The following AP1AR variants were observed in gnomAD, a reference collection of about 807,000 sequenced individuals.
The protein encoded by AP1AR is adaptor related protein complex 1 associated regulatory protein.
A neutral mutation model predicts 46.3 loss-of-function variants in AP1AR; 29 were observed. The observed-to-expected ratio is 0.63, with a 90% CI of 0.47 to 0.85. AP1AR has a LOEUF of 0.85. Ranked by LOEUF, AP1AR falls within the 40% of genes least tolerant of loss-of-function variation. AP1AR has a pLI of 0.00. For missense variants in AP1AR, 357 were observed against 356.3 expected, an observed-to-expected ratio of 1.00 and a Z score of -0.02; for synonymous variants, 122 against 122.9, an observed-to-expected ratio of 0.99 and a Z score of 0.05.
In AP1AR at chr4:112,270,645, G is replaced by C. The variant is rs954190854; in HGVS notation, c.*2236G>C. On this transcript the variant is annotated 3_prime_UTR_variant, in exon 10 of 10. Transcript: ENST00000274000. ...AAGCATGTTATAAGCAAAGGGAACGGCAAGTACAAAGTACCTGAGGTGGGA... is the reference window on the plus strand; with the variant it reads ...AAGCATGTTATAAGCAAAGGGAACGCCAAGTACAAAGTACCTGAGGTGGGA... Among the ~76,000 whole-genome samples, 16 of 152,316 alleles carry C rather than the reference G, an allele frequency of 1.1e-4. No individual in the cohort carries two copies. The highest frequency in any genetic ancestry group is 3.8e-4 in the African/African-American group (16 of 41,560).
intron 1 of AP1AR, among the ~76,000 whole-genome samples, chr4:112,246,919 T>C (rs1309448111): frequency 7.3e-6 from 1 of 136,124 alleles, no homozygotes; most frequent in African/African-American, 2.6e-5. Context: ...TTTACACATC[T>C]TTTTTAAAAA....
Position 112,254,674 on chromosome 4 carries a change from G to T in AP1AR, c.133-73G>T, listed in dbSNP as rs1726103859. On this transcript the variant is annotated intron_variant, in intron 2 of 9. Transcript: ENST00000274000. ...GGTATATTATTTTTAAGTGAAAAAA[G>T]TAACATAATTTCTTGTGAGATGTAT... 3.2e-6 allele frequency: 3 copies of T among 942,418 alleles called. No homozygotes were observed. The Admixed American group carries it at 8.2e-5, about 26-fold the overall frequency. 58.4% of individuals were successfully genotyped at this position (942,418 alleles called of 1,614,324 possible).
chr4:112,262,596 C>T (rs72894941), intron 5 of AP1AR, among the ~76,000 whole-genome samples: 15,949 of 152,156 alleles, frequency 0.1, 862 homozygotes, highest in Middle Eastern at 0.14. Flanking sequence ...GCTGAGTTCA[C>T]TTTGGTCACA....
At chr4:112,238,377 C>T (rs1725342754) in intron 1 of AP1AR, among the ~76,000 whole-genome samples, 1 of 151,950 alleles carries the variant, frequency 6.6e-6, no homozygotes, top group Non-Finnish European at 1.5e-5. Context: ...CATATCCTAC[C>T]AGTTTTATAT....
chr4:112,232,207 T>A (rs202216597), intron 1 of AP1AR, 33 bp downstream of exon 1: 6 of 1,261,060 alleles, frequency 4.8e-6, no homozygotes. Flanking sequence ...CCGGCCCCCG[T>A]GGCTCCTCCT....
Position 112,263,038 on chromosome 4 carries a change from TGCACA to T in AP1AR, c.336_340del (p.Gln113Ter). ...GACTAGAAGAAGAAGCTTTATACGC[TGCACA>T]GCGTGAAGCAGCCAGGGCAGCAAAG... On this transcript the variant is annotated frameshift_variant, in exon 6 of 10. Coordinates refer to ENST00000274000, the MANE Select transcript of AP1AR (RefSeq NM_018569.6). LOFTEE classifies it high-confidence loss of function. The T allele has an allele frequency of 6.2e-7, 1 of 1,613,914 alleles. No homozygotes were observed. Among genetic ancestry groups the T allele is most frequent in the South Asian group, 1.1e-5 (1 of 91,062 alleles).
intron 1 of AP1AR, among the ~76,000 whole-genome samples, chr4:112,236,490 G>A (rs72894913): frequency 0.014 from 2,096 of 148,768 alleles, 48 homozygotes; most frequent in African/African-American, 0.049. Flanking sequence ...AACCTCCACC[G>A]CCTGAGTTCA....
Position 112,260,822 on chromosome 4 carries a change from C to T in AP1AR, c.242C>T (p.Ala81Val). Residue 81 changes from alanine (A) to valine (V), a missense_variant, in exon 5 of 10, where the codon GCC (alanine) becomes GTC (valine). Transcript: ENST00000274000. ...DLRERHYDSI[A>V]EKQKDLDKKI... ...AGAGAAAGGCATTATGATTCCATTGCCGAAAAACAAAAAGATCTTGATAAG... is the reference window on the plus strand; with the variant it reads ...AGAGAAAGGCATTATGATTCCATTGTCGAAAAACAAAAAGATCTTGATAAG... The T allele has an allele frequency of 6.2e-7, 1 of 1,603,822 alleles. No homozygotes were observed. Among genetic ancestry groups the T allele is most frequent in the African/African-American group, 1.3e-5 (1 of 74,468 alleles).
At chr4:112,237,364 C>T (rs1328093185) in intron 1 of AP1AR, among the ~76,000 whole-genome samples, 1 of 152,150 alleles carries the variant, frequency 6.6e-6, no homozygotes. Context: ...TCTCGGCCTC[C>T]TAAAGTGATG....
intron 4 of AP1AR, among the ~76,000 whole-genome samples, chr4:112,259,624 C>G (rs185468008): frequency 6.6e-6 from 1 of 152,156 alleles, no homozygotes; most frequent in Admixed American, 6.5e-5. Context: ...AGGTTTTTTC[C>G]TTAGTTTCTT....
At chr4:112,234,535 C>G (rs1725158373) in intron 1 of AP1AR, among the ~76,000 whole-genome samples, 1 of 152,146 alleles carries the variant, frequency 6.6e-6, no homozygotes, top group Non-Finnish European at 1.5e-5. Flanking sequence ...GGTTCCCTTA[C>G]TTGAATTTTC....
chr4:112,254,874 TA>T, intron 3 of AP1AR, 101 bp downstream of exon 3: 1 of 590,826 alleles, frequency 1.7e-6, no homozygotes, highest in Non-Finnish European at 2.6e-6. Flanking sequence ...ATTTTTGTTT[TA>T]GAATTTTTAT....
chr4:112,251,120 A>AT (rs1015338499), intron 1 of AP1AR, among the ~76,000 whole-genome samples: 35 of 152,270 alleles, frequency 2.3e-4, no homozygotes, highest in African/African-American at 7.9e-4. Flanking sequence ...AGAAAGCATA[A>AT]TCCCCAGCAA....
In AP1AR at chr4:112,270,225, TG is replaced by T. The variant is rs1726894752; in HGVS notation, c.*1817del. Among the ~76,000 whole-genome samples the T allele has an allele frequency of 6.6e-6, 1 of 152,224 alleles. No homozygotes were observed. Among genetic ancestry groups the T allele is most frequent in the Non-Finnish European group, 1.5e-5 (1 of 68,030 alleles). ...AAAAAAAAGTTAACGTTTTGTTTTGTGTTTATAAAAAGTACTAGAAATAACT... is the reference window on the plus strand; with the variant it reads ...AAAAAAAAGTTAACGTTTTGTTTTGTTTTATAAAAAGTACTAGAAATAACT... On this transcript the variant is annotated 3_prime_UTR_variant, in exon 10 of 10. Transcript: ENST00000274000.
intron 2 of AP1AR, among the ~76,000 whole-genome samples, chr4:112,253,489 A>G (rs917106870): frequency 3.3e-5 from 5 of 152,190 alleles, no homozygotes; most frequent in African/African-American, 1.2e-4. Flanking sequence ...CCCCCACCCT[A>G]TAAGTCAGGG....
Position 112,266,662 on chromosome 4 carries a change from A to G in AP1AR, c.589A>G (p.Thr197Ala), listed in dbSNP as rs139300460. 321 of 1,610,800 alleles carry G rather than the reference A, an allele frequency of 2.0e-4. No homozygotes were observed. The highest frequency in any genetic ancestry group is 6.4e-4 in the Admixed American group (38 of 59,802). ...TGATTTAATGACCAAAACTAAATCA[A>G]CTAGTGGAAATGACGACAGCACATC... ...SCDLMTKTKSTSGNDDSTSLD... is the reference protein window; with the variant it reads ...SCDLMTKTKSASGNDDSTSLD... Residue 197 changes from threonine to alanine, a missense_variant, in exon 9 of 10, where the codon ACT (threonine) becomes GCT (alanine). Thr to Ala is a moderately conservative substitution (Grantham distance 58). This residue lies in a region of AP1AR where 88 missense variants were observed against 132.7 expected (regional missense o/e 0.66). Coordinates refer to ENST00000274000, the MANE Select transcript of AP1AR (RefSeq NM_018569.6).
intron 1 of AP1AR, among the ~76,000 whole-genome samples, chr4:112,249,724 A>G (rs1433827607): frequency 6.6e-6 from 1 of 152,140 alleles, no homozygotes; most frequent in East Asian, 1.9e-4. Context: ...TTACCTGTAT[A>G]TATTGCATAG....
At chr4:112,250,427 A>G (rs1302716312) in intron 1 of AP1AR, among the ~76,000 whole-genome samples, 2 of 152,236 alleles carry the variant, frequency 1.3e-5, no homozygotes, top group East Asian at 3.8e-4. Context: ...ATTACATAGA[A>G]TATAGAAAAG....
chr4:112,243,353 A>G (rs1387314514), intron 1 of AP1AR, among the ~76,000 whole-genome samples: 1 of 152,054 alleles, frequency 6.6e-6, no homozygotes, highest in Non-Finnish European at 1.5e-5. Flanking sequence ...GGATTCTGAC[A>G]CTTCTCCCAT....
Sources: allele counts gnomAD v4.1 joint callset (sites outside exome capture counted in the v4.1 genomes callset), GRCh38; gene constraint gnomAD v4.1.1; regional missense constraint gnomAD v4.1.1; transcripts MANE v1.5; gene names NCBI Gene and HGNC (gene_info 2026-07-23, HGNC 2026-07-21).